Variants in TSPEAR observed in about 807,000 individuals in gnomAD.
TSPEAR encodes thrombospondin type laminin G domain and EAR repeats, also known as thrombospondin-type laminin G domain and EAR repeat-containing protein.
Under a neutral mutation model 71.6 loss-of-function variants are expected in TSPEAR, and 69 were observed. The ratio of observed to expected loss-of-function variants is 0.96; its 90% CI spans 0.79 to 1.18. The LOEUF is 1.18. TSPEAR is among the 50% of genes most tolerant of loss of function. The pLI, the probability that TSPEAR is intolerant of heterozygous loss-of-function variation, is 0.00. For missense variants in TSPEAR, 971 were observed against 894.9 expected (o/e 1.09, Z -1.09); for synonymous variants, 402 against 387.2 (o/e 1.04, Z -0.45).
chr21:44,528,692 C>A, intron 5 of TSPEAR, 109 bp from the exon 6 acceptor site: 1 of 1,434,708 alleles, frequency 7.0e-7, no homozygotes, highest in African/African-American at 1.4e-5. Context: ...CCTCTGCATG[C>A]GGGCCTGGAA....
intron 1 of TSPEAR, chr21:44,676,295 T>C: frequency 1.7e-6 from 2 of 1,210,182 alleles, no homozygotes. Flanking sequence ...TCTGGAGGGA[T>C]AGCTGTGGCT....
intron 1 of TSPEAR, among the ~76,000 whole-genome samples, chr21:44,659,277 C>T (rs1985352407): frequency 9.3e-6 from 1 of 107,412 alleles, no homozygotes; most frequent in Admixed American, 9.7e-5. Flanking sequence ...CTCCCCACCC[C>T]TCATCCTAAG....
At chr21:44,588,676 A>ATT (rs1569203637) in intron 1 of TSPEAR, among the ~76,000 whole-genome samples, 1 of 141,454 alleles carries the variant, frequency 7.1e-6, no homozygotes, top group African/African-American at 2.6e-5. Flanking sequence ...TATATATAAT[A>ATT]TATATATATT....
intron 8 of TSPEAR, among the ~76,000 whole-genome samples, chr21:44,523,221 G>A (rs1429969956): frequency 6.6e-6 from 1 of 151,086 alleles, no homozygotes; most frequent in Non-Finnish European, 1.5e-5. Context: ...CAGCCAGTCA[G>A]TTAATTTGTC....
intron 1 of TSPEAR, among the ~76,000 whole-genome samples, chr21:44,584,655 G>T (rs890822580): frequency 6.6e-6 from 1 of 151,940 alleles, no homozygotes; most frequent in Non-Finnish European, 1.5e-5. Flanking sequence ...TTGGCATCAG[G>T]GTCTCACCAG....
chr21:44,678,639 G>A (rs1986436803), intron 1 of TSPEAR, among the ~76,000 whole-genome samples: 1 of 152,182 alleles, frequency 6.6e-6, no homozygotes, highest in Non-Finnish European at 1.5e-5. Context: ...AATCAGGTAA[G>A]AGATAGAAAT....
At chr21:44,512,985 T>G (rs1458169181) in intron 9 of TSPEAR, among the ~76,000 whole-genome samples, 3 of 152,192 alleles carry the variant, frequency 2.0e-5, no homozygotes, top group Non-Finnish European at 4.4e-5. Flanking sequence ...TGCACCAGAT[T>G]TAGCAAATCC....
intron 4 of TSPEAR, among the ~76,000 whole-genome samples, chr21:44,530,485 A>C (rs1370094743): frequency 7.2e-6 from 1 of 139,084 alleles, no homozygotes; most frequent in Admixed American, 6.8e-5. Flanking sequence ...CCATCCATTC[A>C]TCTTTCTCTC....
chr21:44,666,498 C>A (rs1555944739), intron 1 of TSPEAR: 1 of 1,610,678 alleles, frequency 6.2e-7, no homozygotes, highest in East Asian at 2.2e-5. Context: ...GACGCTGGTG[C>A]AGGAGGGCTG....
At chr21:44,518,401 G>A in intron 9 of TSPEAR, 1 of 416,136 alleles carries the variant, frequency 2.4e-6, no homozygotes, top group Non-Finnish European at 4.9e-6. Flanking sequence ...ACTGTAAATT[G>A]GACTTGGTGT....
chr21:44,692,740 T>C (rs1555949917), intron 1 of TSPEAR, among the ~76,000 whole-genome samples: 1 of 152,202 alleles, frequency 6.6e-6, no homozygotes, highest in African/African-American at 2.4e-5. Flanking sequence ...ACATCCATGT[T>C]CATGGATTAG....
chr21:44,658,179 C>T (rs2146262153), intron 1 of TSPEAR: 1 of 1,614,198 alleles, frequency 6.2e-7, no homozygotes, highest in East Asian at 2.2e-5. Flanking sequence ...ATATATGTGA[C>T]TCCCTCTTGC....
chr21:44,535,767 T>C (rs1398804778), intron 2 of TSPEAR, among the ~76,000 whole-genome samples: 3 of 152,102 alleles, frequency 2.0e-5, no homozygotes, highest in Non-Finnish European at 2.9e-5. Flanking sequence ...GGTTTCACCA[T>C]GTTAGCCAGG....
intron 9 of TSPEAR, among the ~76,000 whole-genome samples, chr21:44,513,990 G>GC (rs1160161105): frequency 2.5e-4 from 38 of 152,254 alleles, no homozygotes; most frequent in African/African-American, 6.3e-4. Flanking sequence ...ACTCTTGGGT[G>GC]CCCCCCGTGC....
intron 1 of TSPEAR, chr21:44,579,579 C>T (rs1978728886): frequency 2.6e-6 from 2 of 755,838 alleles, no homozygotes; most frequent in African/African-American, 1.8e-5. Context: ...CAGGTGGGCC[C>T]CTGCTGGGAG....
At chr21:44,552,335 G>A (rs1382320401) in intron 2 of TSPEAR, among the ~76,000 whole-genome samples, 1 of 152,198 alleles carries the variant, frequency 6.6e-6, no homozygotes, top group African/African-American at 2.4e-5. Context: ...ACCGTCACAG[G>A]TGAGCTCCTC....
intron 1 of TSPEAR, among the ~76,000 whole-genome samples, chr21:44,650,190 T>C (rs1268863823): frequency 1.3e-5 from 2 of 150,060 alleles, no homozygotes; most frequent in Non-Finnish European, 3.0e-5. Flanking sequence ...CACTCCAGCC[T>C]GGGTGACCAG....
intron 1 of TSPEAR, among the ~76,000 whole-genome samples, chr21:44,595,740 ATGTG>A (rs377121171): frequency 6.6e-5 from 10 of 152,284 alleles, no homozygotes; most frequent in African/African-American, 2.4e-4. Context: ...TCATTCTATT[ATGTG>A]TATGTGTAAA....
chr21:44,611,688 TA>T (rs201021251), intron 1 of TSPEAR, among the ~76,000 whole-genome samples: 2,337 of 152,026 alleles, frequency 0.015, 19 homozygotes, highest in Middle Eastern at 0.027. Flanking sequence ...CATCTGCTGG[TA>T]AAAAAACACC....
Sources: allele counts gnomAD v4.1 joint callset (sites outside exome capture counted in the v4.1 genomes callset), GRCh38; gene constraint gnomAD v4.1.1; transcripts MANE v1.5; gene names NCBI Gene and HGNC (gene_info 2026-07-23, HGNC 2026-07-21).